SORL1: variants seen among roughly 807,000 people sequenced by gnomAD.
SORL1 encodes the protein sortilin-related receptor.
Under a neutral mutation model 273.7 loss-of-function variants are expected in SORL1, and 127 were observed. The ratio of observed to expected loss-of-function variants is 0.46; its 90% CI spans 0.40 to 0.54. SORL1 has a LOEUF of 0.54. SORL1 is among the 20% of genes least tolerant of loss of function. The pLI is 0.00. For synonymous variants in SORL1, 1,031 were observed against 1,067.4 expected (o/e 0.97, Z 0.66); for missense variants, 2,494 against 2,846.1 (o/e 0.88, Z 2.81).
At position 121,607,489 on chromosome 11, in the gene SORL1, A is replaced by C. The variant is rs368041318; in HGVS notation, c.5166+199A>C. ...TGGACACCACAAAGAGCTTGACATC[A>C]GAGTTTCTGTAGATAACCGGGCGTT... On this transcript the variant is annotated intron_variant, in intron 37 of 47. Transcript: ENST00000260197. Among the ~76,000 whole-genome samples, 204 of 152,328 alleles carry C rather than the reference A, an allele frequency of 1.3e-3. 1 individual carries two copies. Among genetic ancestry groups the C allele is most frequent in the African/African-American group, 4.8e-3 (199 of 41,576 alleles).
chr11:121,499,145 A>G (rs765102171), intron 6 of SORL1, among the ~76,000 whole-genome samples: 19 of 152,284 alleles, frequency 1.2e-4, no homozygotes, highest in Non-Finnish European at 2.6e-4. Context: ...AAAGTAGTCA[A>G]TTTTTAGAAA....
chr11:121,501,255 T>C lies in SORL1; in HGVS notation c.939+4206T>C, dbSNP rs551998887. Among the ~76,000 whole-genome samples, 23 of 152,310 alleles carry C rather than the reference T, an allele frequency of 1.5e-4. No individual in the cohort carries two copies. The South Asian group carries it at 2.7e-3, about 18-fold the overall frequency. On this transcript the variant is annotated intron_variant, in intron 6 of 47. Coordinates refer to ENST00000260197, the MANE Select transcript of SORL1 (RefSeq NM_003105.6). ...ATTCACATTCTGCAAAATTTACCCT[T>C]TTTAAGTGTGCAATTTAGTGGTTTT...
intron 3 of SORL1, among the ~76,000 whole-genome samples, chr11:121,482,796 A>G (rs954528638): frequency 6.6e-6 from 1 of 152,250 alleles, no homozygotes; most frequent in Non-Finnish European, 1.5e-5. Flanking sequence ...ATGTCAGGAA[A>G]GGGCAGCGTG....
chr11:121,577,315 C>T lies in SORL1; in HGVS notation c.3495C>T (p.Cys1165=). Residue 1165 remains cysteine, a synonymous_variant, in exon 25 of 48, where the codon TGC becomes TGT. Transcript: ENST00000260197. ...AGTGCCGGAGTGACGAGTACAACTG[C>T]AGTTCCGGCATGTGCATCCGCTCCT... ...MHQCRSDEYN[C]SSGMCIRSSW... 1 of 1,612,828 alleles carries T rather than the reference C, an allele frequency of 6.2e-7. No homozygotes were observed. Among genetic ancestry groups the T allele is most frequent in the Non-Finnish European group, 8.5e-7 (1 of 1,179,334 alleles).
chr11:121,614,508 G>A (rs1444450957), intron 40 of SORL1: 1 of 196,968 alleles, frequency 5.1e-6, no homozygotes, highest in African/African-American at 2.4e-5. Flanking sequence ...CTGTGATGGG[G>A]ATCCTTGTTA....
intron 41 of SORL1, among the ~76,000 whole-genome samples, chr11:121,615,393 C>T (rs1211583318): frequency 2.0e-5 from 3 of 152,072 alleles, no homozygotes; most frequent in African/African-American, 7.2e-5. Flanking sequence ...GTCCTTCCCT[C>T]CTCTTGCTAT....
At chr11:121,623,263 G>A (rs1168226085) in intron 45 of SORL1, among the ~76,000 whole-genome samples, 1 of 152,220 alleles carries the variant, frequency 6.6e-6, no homozygotes, top group African/African-American at 2.4e-5. Context: ...TGTTAAATTG[G>A]TAAAGATTTG....
chr11:121,516,925 A>G (rs969076942), intron 8 of SORL1, among the ~76,000 whole-genome samples: 1 of 152,062 alleles, frequency 6.6e-6, no homozygotes, highest in African/African-American at 2.4e-5. Context: ...GGTGGCACGT[A>G]CCTATAGTCC....
chr11:121,467,053 G>A (rs1861094199), intron 1 of SORL1, among the ~76,000 whole-genome samples: 2 of 124,066 alleles, frequency 1.6e-5, no homozygotes, highest in Admixed American at 1.8e-4. Flanking sequence ...TTTTTGAGGT[G>A]GAGTCTCGCT....
Position 121,629,701 on chromosome 11 carries a change from A to G in SORL1, c.*138A>G, listed in dbSNP as rs1565360827. 1 of 606,664 alleles carries G rather than the reference A, an allele frequency of 1.6e-6. No individual in the cohort carries two copies. The highest frequency in any genetic ancestry group is 2.9e-6 in the Non-Finnish European group (1 of 341,930). 37.6% of individuals were successfully genotyped at this position (606,664 alleles called of 1,614,324 possible). On this transcript the variant is annotated 3_prime_UTR_variant, in exon 48 of 48. Coordinates refer to ENST00000260197, the MANE Select transcript of SORL1 (RefSeq NM_003105.6). Reference sequence around the variant, plus strand: ...GCCAAAAACAAAAAACAAAAAAAAAAAAAAGGAAAGAAAGGAATGAATAAA... The same window carrying G: ...GCCAAAAACAAAAAACAAAAAAAAAGAAAAGGAAAGAAAGGAATGAATAAA...
rs369262253 is a variant in SORL1 at position 121,564,108 on chromosome 11, T to A, written c.3050-2832T>A. 1.4e-3 allele frequency among the ~76,000 whole-genome samples: 213 copies of A among 152,330 alleles called. 1 individual carries two copies. Among genetic ancestry groups the A allele is most frequent in the African/African-American group, 5.0e-3 (207 of 41,576 alleles). On this transcript the variant is annotated intron_variant, in intron 21 of 47. Coordinates refer to ENST00000260197, the MANE Select transcript of SORL1 (RefSeq NM_003105.6). ...GTCTTTGAAGATGATTGTCCACTCT[T>A]CACATTGAGATAACGGTTTTCATAT...
intron 1 of SORL1, among the ~76,000 whole-genome samples, chr11:121,467,863 A>G (rs960722968): frequency 2.0e-5 from 3 of 152,182 alleles, no homozygotes; most frequent in Admixed American, 6.5e-5. Flanking sequence ...CTATCTGGGA[A>G]TGAGGAGAGA....
intron 8 of SORL1, among the ~76,000 whole-genome samples, chr11:121,517,845 C>A (rs567025267): frequency 6.6e-6 from 1 of 152,372 alleles, no homozygotes; most frequent in South Asian, 2.1e-4. Flanking sequence ...TCATCTGCAT[C>A]TCAATCTCAG....
intron 42 of SORL1, 140 bp from the exon 43 acceptor site, chr11:121,619,613 G>C: frequency 1.4e-6 from 1 of 731,284 alleles, no homozygotes. Context: ...TGGGGTAGGT[G>C]GGAAATTATT....
At chr11:121,562,421 G>A (rs1862690870) in intron 21 of SORL1, among the ~76,000 whole-genome samples, 1 of 152,148 alleles carries the variant, frequency 6.6e-6, no homozygotes, top group Admixed American at 6.5e-5. Context: ...AAATATATAT[G>A]GAAGATTCCA....
intron 32 of SORL1, among the ~76,000 whole-genome samples, chr11:121,598,687 C>T (rs770466354): frequency 4.9e-4 from 75 of 152,268 alleles, no homozygotes; most frequent in Admixed American, 9.1e-4. Flanking sequence ...CTTCTGGAGA[C>T]GAATTTCATT....
At chr11:121,570,526 T>C (rs985265668) in intron 23 of SORL1, among the ~76,000 whole-genome samples, 3 of 152,230 alleles carry the variant, frequency 2.0e-5, no homozygotes, top group Non-Finnish European at 4.4e-5. Flanking sequence ...GATTTATAAA[T>C]AAACGTCACA....
chr11:121,612,984 C>G, intron 40 of SORL1, 152 bp downstream of exon 40: 1 of 603,336 alleles, frequency 1.7e-6, no homozygotes, highest in East Asian at 2.9e-5. Flanking sequence ...ATTGAGGATC[C>G]TATAAGTGTG....
intron 8 of SORL1, among the ~76,000 whole-genome samples, chr11:121,520,228 A>G (rs952604156): frequency 2.0e-5 from 3 of 152,140 alleles, no homozygotes; most frequent in African/African-American, 7.2e-5. Context: ...GCACCACTGC[A>G]CTCCTGCCTG....
Sources: allele counts gnomAD v4.1 joint callset (sites outside exome capture counted in the v4.1 genomes callset), GRCh38; gene constraint gnomAD v4.1.1; transcripts MANE v1.5; gene names NCBI Gene and HGNC (gene_info 2026-07-23, HGNC 2026-07-21).